The following CD82 variants were observed in gnomAD, a reference collection of about 807,000 sequenced individuals.
CD82 encodes CD82 molecule.
CD82 carries 36 observed loss-of-function variants against 37.4 expected under a neutral mutation model. That is an observed-to-expected ratio of 0.96 (90% CI 0.74 to 1.27). The LOEUF (loss-of-function observed/expected upper bound fraction) is 1.27, where lower values mean the gene tolerates loss of function less well. Among genes scored for constraint, CD82 ranks in the 50% most tolerant of loss-of-function variants. The probability of loss-of-function intolerance (pLI) is 0.00; values close to 1 mark genes in which losing one functional copy is unlikely to be tolerated. For synonymous variants in CD82, 158 were observed against 137.4 expected (o/e 1.15, Z -1.05); for missense variants, 340 against 347.0 (o/e 0.98, Z 0.16).
intron 2 of CD82, among the ~76,000 whole-genome samples, chr11:44,592,870 C>G (rs1053225441): frequency 3.3e-5 from 5 of 152,166 alleles, no homozygotes; most frequent in Non-Finnish European, 7.3e-5. Context: ...CTTAAATCCC[C>G]CAGGAGTATT....
chr11:44,587,360 G>A (rs1235680741), intron 1 of CD82, 115 bp from the exon 2 acceptor site: 2 of 444,062 alleles, frequency 4.5e-6, no homozygotes, highest in Admixed American at 4.7e-5. Context: ...TGGCAACCCT[G>A]GCGGGGCCCC....
intron 1 of CD82, among the ~76,000 whole-genome samples, chr11:44,569,787 G>T (rs567024523): frequency 6.6e-6 from 1 of 152,254 alleles, no homozygotes; most frequent in South Asian, 2.1e-4. Flanking sequence ...CAGCATGGCG[G>T]TAAAGCACTG....
chr11:44,608,869 A>C (rs1853438720), intron 6 of CD82, among the ~76,000 whole-genome samples: 1 of 152,204 alleles, frequency 6.6e-6, no homozygotes, highest in African/African-American at 2.4e-5. Flanking sequence ...CGGAGCCCCC[A>C]GGGGCTGCCT....
intron 6 of CD82, among the ~76,000 whole-genome samples, chr11:44,605,975 T>C (rs1388695836): frequency 6.6e-6 from 1 of 152,214 alleles, no homozygotes; most frequent in Non-Finnish European, 1.5e-5. Flanking sequence ...AAATCAGACT[T>C]ACAGCGGCTT....
intron 1 of CD82, among the ~76,000 whole-genome samples, chr11:44,567,603 G>C (rs563883341): frequency 9.3e-4 from 141 of 152,112 alleles, no homozygotes; most frequent in Non-Finnish European, 1.7e-3. Flanking sequence ...GGGAGGGAGA[G>C]GGTCTGGTAG....
upstream of CD82, among the ~76,000 whole-genome samples, chr11:44,565,294 C>T (rs1275901450): frequency 2.0e-5 from 3 of 152,042 alleles, no homozygotes; most frequent in African/African-American, 7.2e-5. Flanking sequence ...GCTGGGAGGG[C>T]CCGGGAGGAG....
At chr11:44,614,576 C>T (rs1477844761) in intron 6 of CD82, among the ~76,000 whole-genome samples, 1 of 152,170 alleles carries the variant, frequency 6.6e-6, no homozygotes, top group African/African-American at 2.4e-5. Flanking sequence ...AGATGATAAG[C>T]CCTGAAAACC....
Position 44,594,678 on chromosome 11 carries a change from A to G in CD82, c.16A>G (p.Ile6Val). The stretch of plus-strand genomic sequence containing the variant: ...GACTGGCGGGATGGGCTCAGCCTGT[A>G]TCAAAGTCACCAAATACTTTCTCTT... MGSAC[I>V]KVTKYFLFLF... The change falls in exon 3 of 10, where the codon ATC becomes GTC. Residue 6 changes from isoleucine (I) to valine (V), a missense_variant. Physicochemically the swap from Ile to Val is conservative, Grantham distance 29. Coordinates refer to ENST00000227155, the MANE Select transcript of CD82 (RefSeq NM_002231.4). The G allele has an allele frequency of 6.2e-7, 1 of 1,613,998 alleles. No individual in the cohort carries two copies. Among genetic ancestry groups the G allele is most frequent in the Non-Finnish European group, 8.5e-7 (1 of 1,179,862 alleles).
At chr11:44,599,767 C>T (rs1217896586) in intron 3 of CD82, among the ~76,000 whole-genome samples, 3 of 152,230 alleles carry the variant, frequency 2.0e-5, no homozygotes, top group East Asian at 1.9e-4. Flanking sequence ...TTCAAGTCCA[C>T]GGAGGGTCCT....
intron 1 of CD82, chr11:44,585,092 A>G: frequency 2.4e-6 from 1 of 419,388 alleles, no homozygotes; most frequent in Non-Finnish European, 4.8e-6. Flanking sequence ...GGCTAGAGGC[A>G]GAGGCTCCTC....
chr11:44,594,610 C>A, intron 2 of CD82, 33 bp from the exon 3 acceptor site: 1 of 1,363,720 alleles, frequency 7.3e-7, no homozygotes, highest in Non-Finnish European at 1.1e-6. Context: ...TGAGCTGATC[C>A]CCTCACTGGC....
At chr11:44,576,713 CAT>C (rs1342508578) in intron 1 of CD82, among the ~76,000 whole-genome samples, 1 of 152,238 alleles carries the variant, frequency 6.6e-6, no homozygotes, top group East Asian at 1.9e-4. Context: ...CCTCCTTTCT[CAT>C]AATGATCCCT....
intron 4 of CD82, chr11:44,604,836 T>G (rs1302010395): frequency 1.7e-6 from 1 of 600,814 alleles, no homozygotes; most frequent in African/African-American, 1.9e-5. Context: ...GGGAAGGGGC[T>G]TAGGCTGGAT....
intron 1 of CD82, among the ~76,000 whole-genome samples, chr11:44,586,554 G>T (rs1487345005): frequency 6.6e-6 from 1 of 152,188 alleles, no homozygotes; most frequent in African/African-American, 2.4e-5. Flanking sequence ...TCTATGGGAG[G>T]CTGAGGCAGG....
At position 44,597,182 on chromosome 11, in the gene CD82, T is replaced by G. The variant is rs1405229371; in HGVS notation, c.63+2457T>G. ...ATGTGTGCTCGCGCCTGCGTGCATG[T>G]GCACCTGTATGTCTTTGCCTGTACT... On this transcript the variant is annotated intron_variant, in intron 3 of 9. Transcript: ENST00000227155. The surrounding 1 kb of genome is among the most constrained non-coding windows in gnomAD (Gnocchi z 4.1). Among the ~76,000 whole-genome samples, 1 of 152,242 alleles carries G rather than the reference T, an allele frequency of 6.6e-6. No individual in the cohort carries two copies. Among genetic ancestry groups the G allele is most frequent in the Admixed American group, 6.5e-5 (1 of 15,286 alleles).
intron 2 of CD82, among the ~76,000 whole-genome samples, chr11:44,594,077 G>C (rs1853185378): frequency 6.6e-6 from 1 of 152,132 alleles, no homozygotes; most frequent in East Asian, 1.9e-4. Context: ...CATTTTGCTT[G>C]ATTTCTGTTT....
intron 2 of CD82, among the ~76,000 whole-genome samples, chr11:44,592,223 T>C (rs1853155917): frequency 1.3e-5 from 2 of 152,224 alleles, no homozygotes; most frequent in South Asian, 4.1e-4. Context: ...TCCCGGACTT[T>C]CTGAAACTGC....
At chr11:44,615,762 T>G (rs1470636571) in intron 7 of CD82, among the ~76,000 whole-genome samples, 1 of 151,816 alleles carries the variant, frequency 6.6e-6, no homozygotes, top group Non-Finnish European at 1.5e-5. Flanking sequence ...GCTGGGGAGG[T>G]GTTGGGGAGC....
intron 4 of CD82, among the ~76,000 whole-genome samples, chr11:44,602,625 T>C (rs539781204): frequency 1.9e-4 from 29 of 152,280 alleles, no homozygotes; most frequent in Admixed American, 3.3e-4. Flanking sequence ...CCTTTCTGTT[T>C]GGGCCGCTTC....
Sources: gnomAD v4.1 joint callset for allele counts (sites outside exome capture counted in the v4.1 genomes callset) on GRCh38, gnomAD v4.1.1 for gene constraint, Gnocchi (gnomAD v3.1) non-coding constraint, MANE v1.5 for transcripts, NCBI Gene and HGNC (gene_info 2026-07-23, HGNC 2026-07-21) for gene names.